ABI2: variants seen among roughly 807,000 people sequenced by gnomAD.
ABI2 encodes the protein abelson interactor 2.
Under a neutral mutation model 59.2 loss-of-function variants are expected in ABI2, and 25 were observed. The ratio of observed to expected loss-of-function variants is 0.42; its 90% confidence interval spans 0.31 to 0.59. The LOEUF (loss-of-function observed/expected upper bound fraction) is 0.59. Among genes scored for constraint, ABI2 ranks in the 20% least tolerant of loss-of-function variants. ABI2 has a pLI of 0.14. For missense variants in ABI2, 545 were observed against 681.8 expected (o/e 0.80, Z 2.23); for synonymous variants, 213 against 235.5 (o/e 0.90, Z 0.87).
At chr2:203,391,212 T>A in intron 5 of ABI2, 69 bp downstream of exon 5, 3 of 1,089,882 alleles carry the variant, frequency 2.8e-6, no homozygotes, top group South Asian at 3.7e-5. Context: ...ACAACATATT[T>A]AAATTATTTT....
intron 1 of ABI2, among the ~76,000 whole-genome samples, chr2:203,344,436 T>C (rs909599812): frequency 6.6e-6 from 1 of 152,042 alleles, no homozygotes; most frequent in African/African-American, 2.4e-5. Context: ...CGTGATCATG[T>C]CTCACTGCAG....
intron 2 of ABI2, among the ~76,000 whole-genome samples, chr2:203,373,067 C>G (rs879618063): frequency 1.3e-5 from 2 of 152,062 alleles, no homozygotes; most frequent in Non-Finnish European, 2.9e-5. Context: ...GGGTGGCGGC[C>G]GGGCAGAGGC....
At chr2:203,395,602 A>G in intron 6 of ABI2, 54 bp from the exon 7 acceptor site, 3 of 1,547,396 alleles carry the variant, frequency 1.9e-6, no homozygotes, top group East Asian at 2.4e-5. Context: ...GGAAGTGCTG[A>G]TGATCTCTTA....
At chr2:203,334,845 G>A (rs1294488558) in intron 1 of ABI2, among the ~76,000 whole-genome samples, 2 of 151,980 alleles carry the variant, frequency 1.3e-5, no homozygotes, top group African/African-American at 4.8e-5. Flanking sequence ...ATTTTTAGTA[G>A]AGACGGGGTT....
At chr2:203,337,518 G>A (rs763964421) in intron 1 of ABI2, among the ~76,000 whole-genome samples, 4 of 152,278 alleles carry the variant, frequency 2.6e-5, no homozygotes, top group South Asian at 2.1e-4. Context: ...AAGATATCCC[G>A]TGCTCATGAA....
In ABI2 at chr2:203,358,180, T is replaced by G. The variant is rs141253334; in HGVS notation, c.118-8697T>G. ...TGACCAGGCTGGAGCGCAGTGGTAG[T>G]TAGTCATAGCTCGCTATATCTTCAC... On this transcript the variant is annotated intron_variant, in intron 1 of 11. Transcript: ENST00000261018. Among the ~76,000 whole-genome samples, 33 of 150,624 alleles carry G rather than the reference T, an allele frequency of 2.2e-4. 1 individual carries two copies. The East Asian group carries it at 6.4e-3, about 29-fold the overall frequency.
chr2:203,373,481 C>A (rs902490979), intron 2 of ABI2, among the ~76,000 whole-genome samples: 1 of 150,074 alleles, frequency 6.7e-6, no homozygotes, highest in Admixed American at 6.6e-5. Context: ...GACCATGGGC[C>A]GTGGGGAGAG....
chr2:203,360,580 A>G (rs1003330095), intron 1 of ABI2, among the ~76,000 whole-genome samples: 9 of 152,222 alleles, frequency 5.9e-5, no homozygotes, highest in Non-Finnish European at 8.8e-5. Context: ...TGAACAGGCT[A>G]AAGAAGCAGT....
At chr2:203,396,375 A>T (rs983114035) in intron 7 of ABI2, among the ~76,000 whole-genome samples, 3 of 152,140 alleles carry the variant, frequency 2.0e-5, no homozygotes, top group Non-Finnish European at 2.9e-5. Flanking sequence ...TTTTAAAAAA[A>T]ATTTTTAATC....
chr2:203,373,831 T>TAA (rs1312061915), intron 2 of ABI2, among the ~76,000 whole-genome samples: 1 of 152,170 alleles, frequency 6.6e-6, no homozygotes, highest in Non-Finnish European at 1.5e-5. Context: ...GGCAGTGGCC[T>TAA]TAAGAACTCA....
At chr2:203,375,872 A>G (rs959500856) in intron 2 of ABI2, 5 of 412,188 alleles carry the variant, frequency 1.2e-5, no homozygotes, top group Non-Finnish European at 2.1e-5. Context: ...CTGTCAAATT[A>G]TTCAAACTCC....
At chr2:203,384,298 T>TTTTTTTG (rs1559289216) in intron 4 of ABI2, among the ~76,000 whole-genome samples, 10 of 128,016 alleles carry the variant, frequency 7.8e-5, no homozygotes, top group African/African-American at 2.9e-4. Context: ...TTGTTTTTTT[T>TTTTTTTG]TTTTTTTTTT....
intron 9 of ABI2, 34 bp from the exon 10 acceptor site, chr2:203,411,251 T>C (rs923204962): frequency 2.7e-6 from 4 of 1,508,264 alleles, no homozygotes; most frequent in Non-Finnish European, 3.7e-6. Flanking sequence ...CTCGCCCTTA[T>C]CCCTTATCCT....
chr2:203,418,525 GCT>G (rs1360718514), intron 11 of ABI2, among the ~76,000 whole-genome samples: 1 of 152,234 alleles, frequency 6.6e-6, no homozygotes, highest in Non-Finnish European at 1.5e-5. Context: ...TTGGCCAGAG[GCT>G]GCCCACAATT....
At chr2:203,398,668 A>G (rs2153424213) in intron 8 of ABI2, among the ~76,000 whole-genome samples, 1 of 152,288 alleles carries the variant, frequency 6.6e-6, no homozygotes, top group Non-Finnish European at 1.5e-5. Flanking sequence ...GAACAGTCCT[A>G]TCATCGCAAA....
At chr2:203,425,046 A>AT (rs936599927) in intron 11 of ABI2, among the ~76,000 whole-genome samples, 214 of 88,512 alleles carry the variant, frequency 2.4e-3, no homozygotes, top group African/African-American at 6.2e-3. Flanking sequence ...TTTTTTTTGT[A>AT]TTTTTTTTTT....
intron 5 of ABI2, among the ~76,000 whole-genome samples, chr2:203,394,175 A>C (rs1332024785): frequency 1.3e-5 from 2 of 152,200 alleles, no homozygotes; most frequent in Non-Finnish European, 2.9e-5. Flanking sequence ...ATATAGATAT[A>C]CTTTAATTTC....
chr2:203,334,475 T>C (rs149079721), intron 1 of ABI2, among the ~76,000 whole-genome samples: 16 of 152,232 alleles, frequency 1.1e-4, no homozygotes, highest in Admixed American at 4.6e-4. Context: ...TAAGGTAATC[T>C]TTTGGTGGAT....
intron 2 of ABI2, among the ~76,000 whole-genome samples, chr2:203,378,790 A>G (rs888136565): frequency 1.3e-5 from 2 of 152,190 alleles, no homozygotes; most frequent in Non-Finnish European, 1.5e-5. Flanking sequence ...ATTGGTGGTA[A>G]GAGATGTGAA....
Sources: allele counts gnomAD v4.1 joint callset (sites outside exome capture counted in the v4.1 genomes callset), GRCh38; gene constraint gnomAD v4.1.1; transcripts MANE v1.5; gene names NCBI Gene and HGNC (gene_info 2026-07-23, HGNC 2026-07-21).